The following GPC5 variants were observed in gnomAD, a reference collection of about 807,000 sequenced individuals.
GPC5 encodes the protein glypican-5.
A neutral mutation model predicts 53.9 loss-of-function variants in GPC5; 47 were observed. That is an observed-to-expected ratio of 0.87 (90% CI 0.69 to 1.11). The LOEUF is 1.11. GPC5 is among the 50% of genes most tolerant of loss of function. The probability of loss-of-function intolerance (pLI) is 0.00; values close to 1 mark genes in which losing one functional copy is unlikely to be tolerated. For missense variants in GPC5, 748 were observed against 713.1 expected, an observed-to-expected ratio of 1.05 and a Z score of -0.56; for synonymous variants, 286 against 263.3, an observed-to-expected ratio of 1.09 and a Z score of -0.84.
intron 6 of GPC5, among the ~76,000 whole-genome samples, chr13:92,117,108 G>T (rs1003184047): frequency 6.6e-6 from 1 of 152,030 alleles, no homozygotes; most frequent in East Asian, 1.9e-4. Flanking sequence ...TAATCCTAAG[G>T]TCACAAACTT....
intron 6 of GPC5, among the ~76,000 whole-genome samples, chr13:92,072,568 A>C (rs1385953040): frequency 9.7e-6 from 1 of 103,116 alleles, no homozygotes; most frequent in East Asian, 2.9e-4. Context: ...CTGGCCACTA[A>C]ATTTTTTTTT....
intron 7 of GPC5, among the ~76,000 whole-genome samples, chr13:92,522,155 T>G (rs1457676498): frequency 6.6e-6 from 1 of 152,108 alleles, no homozygotes. Context: ...TAGGAACACT[T>G]TTATACTGTT....
chr13:92,278,442 A>T (rs558062150), intron 7 of GPC5, among the ~76,000 whole-genome samples: 8 of 152,194 alleles, frequency 5.3e-5, no homozygotes, highest in African/African-American at 1.9e-4. Context: ...ATATTACTTG[A>T]TTCTTACAGA....
At chr13:92,128,264 C>CTG (rs754980863) in intron 6 of GPC5, among the ~76,000 whole-genome samples, 10 of 152,150 alleles carry the variant, frequency 6.6e-5, no homozygotes, top group Non-Finnish European at 1.0e-4. Context: ...ACTCTCCCAG[C>CTG]ACCTTTTATA....
At chr13:92,047,357 G>T (rs538004700) in intron 6 of GPC5, among the ~76,000 whole-genome samples, 33 of 152,048 alleles carry the variant, frequency 2.2e-4, no homozygotes, top group African/African-American at 8.0e-4. Flanking sequence ...AATGAAAAAT[G>T]TACCCAGAAT....
chr13:92,105,665 G>A (rs558695398), intron 6 of GPC5, among the ~76,000 whole-genome samples: 11 of 151,936 alleles, frequency 7.2e-5, no homozygotes, highest in Non-Finnish European at 1.5e-4. Context: ...TGTATTAAGT[G>A]AGATGGTTTA....
At chr13:92,219,070 C>A (rs1170714207) in intron 7 of GPC5, among the ~76,000 whole-genome samples, 1 of 152,212 alleles carries the variant, frequency 6.6e-6, no homozygotes, top group Non-Finnish European at 1.5e-5. Context: ...GAGAAGCAGT[C>A]TGTTTCTATG....
At chr13:91,578,774 G>A (rs757827443) in intron 2 of GPC5, among the ~76,000 whole-genome samples, 19 of 151,946 alleles carry the variant, frequency 1.3e-4, no homozygotes, top group East Asian at 3.9e-4. Context: ...GGCCGGGTGC[G>A]GTGGCTCGTG....
At chr13:92,146,708 A>T (rs2041869835) in intron 7 of GPC5, among the ~76,000 whole-genome samples, 1 of 152,026 alleles carries the variant, frequency 6.6e-6, no homozygotes, top group Admixed American at 6.6e-5. Flanking sequence ...TATCATTCTT[A>T]TGCCTTTGCA....
chr13:92,049,398 A>G (rs1362461315), intron 6 of GPC5, among the ~76,000 whole-genome samples: 5 of 152,150 alleles, frequency 3.3e-5, no homozygotes, highest in Admixed American at 3.3e-4. Context: ...AATATGCATT[A>G]GATCAACCTT....
At chr13:91,509,452 A>G (rs1047780082) in intron 2 of GPC5, among the ~76,000 whole-genome samples, 1 of 97,282 alleles carries the variant, frequency 1.0e-5, no homozygotes, top group Non-Finnish European at 2.7e-5. Flanking sequence ...TCATATTTGC[A>G]TAGGCATTCT....
chr13:91,642,910 T>C (rs1016407362), intron 2 of GPC5, among the ~76,000 whole-genome samples: 1 of 152,144 alleles, frequency 6.6e-6, no homozygotes, highest in Non-Finnish European at 1.5e-5. Context: ...TTCTCAATTC[T>C]TAATTTTCCA....
At chr13:92,567,929 A>C (rs1176412766) in intron 7 of GPC5, among the ~76,000 whole-genome samples, 1 of 152,220 alleles carries the variant, frequency 6.6e-6, no homozygotes, top group African/African-American at 2.4e-5. Flanking sequence ...AACTGATTTA[A>C]ACGAATGATA....
At chr13:92,271,926 T>TA (rs1156274043) in intron 7 of GPC5, among the ~76,000 whole-genome samples, 2 of 152,036 alleles carry the variant, frequency 1.3e-5, no homozygotes, top group East Asian at 1.9e-4. Context: ...TAAGCATAAG[T>TA]AAAAAAATAA....
At chr13:92,587,881 GT>G (rs1883588050) in intron 7 of GPC5, among the ~76,000 whole-genome samples, 1 of 151,260 alleles carries the variant, frequency 6.6e-6, no homozygotes, top group Non-Finnish European at 1.5e-5. Flanking sequence ...TATAGATCAG[GT>G]TTTTTGGGGT....
intron 7 of GPC5, among the ~76,000 whole-genome samples, chr13:92,815,319 A>C (rs1430208624): frequency 6.6e-6 from 1 of 152,014 alleles, no homozygotes; most frequent in Non-Finnish European, 1.5e-5. Flanking sequence ...TGAAGTTCCC[A>C]CTTCATTGGA....
At chr13:92,232,305 T>C (rs941767008) in intron 7 of GPC5, among the ~76,000 whole-genome samples, 1 of 152,128 alleles carries the variant, frequency 6.6e-6, no homozygotes, top group Non-Finnish European at 1.5e-5. Context: ...GCGGCTGTTA[T>C]TGGGATAATT....
intron 5 of GPC5, among the ~76,000 whole-genome samples, chr13:91,878,889 A>G (rs942483883): frequency 4.6e-5 from 7 of 152,180 alleles, no homozygotes; most frequent in Non-Finnish European, 1.0e-4. Flanking sequence ...GACATAATGA[A>G]TGACCAAATC....
At chr13:91,640,753 C>G (rs533735560) in intron 2 of GPC5, among the ~76,000 whole-genome samples, 6 of 149,600 alleles carry the variant, frequency 4.0e-5, no homozygotes, top group Non-Finnish European at 5.9e-5. Context: ...GAGCCAAGAT[C>G]GCACCACTGC....
Sources: allele counts gnomAD v4.1 joint callset (sites outside exome capture counted in the v4.1 genomes callset), GRCh38; gene constraint gnomAD v4.1.1; transcripts MANE v1.5; gene names NCBI Gene and HGNC (gene_info 2026-07-23, HGNC 2026-07-21).